The following CROT variants were observed in gnomAD, a reference collection of about 807,000 sequenced individuals.
CROT encodes carnitine O-octanoyltransferase.
A neutral mutation model predicts 89.2 loss-of-function variants in CROT; 84 were observed. The ratio of observed to expected loss-of-function variants is 0.94; its 90% CI spans 0.79 to 1.13. The LOEUF is 1.13. CROT is among the 50% of genes most tolerant of loss of function. CROT has a pLI of 0.00. For synonymous variants in CROT, 212 were observed against 239.5 expected (o/e 0.89, Z 1.06); for missense variants, 711 against 727.8 (o/e 0.98, Z 0.27).
chr7:87,362,144 T>G (rs1042955360), intron 6 of CROT, among the ~76,000 whole-genome samples: 2 of 152,194 alleles, frequency 1.3e-5, no homozygotes, highest in African/African-American at 4.8e-5. Flanking sequence ...TCCTGAAACA[T>G]GAAACATATG....
chr7:87,382,226 TAAC>T (rs745482915), intron 12 of CROT, 45 bp downstream of exon 12: 1 of 1,515,066 alleles, frequency 6.6e-7, no homozygotes, highest in South Asian at 1.2e-5. Flanking sequence ...TTTTTTCTTT[TAAC>T]AACCATATGT....
chr7:87,379,166 C>G (rs1323294619), intron 10 of CROT, among the ~76,000 whole-genome samples: 1 of 152,182 alleles, frequency 6.6e-6, no homozygotes, highest in Non-Finnish European at 1.5e-5. Context: ...TCCCTTTGAC[C>G]TGTCTGCTGC....
At position 87,371,993 on chromosome 7, in the gene CROT, CAAAAAAAAAAAAACA is replaced by C. The variant is rs1353949774; in HGVS notation, c.656+2522_656+2536del. Among the ~76,000 whole-genome samples, 3 of 59,764 alleles carry C rather than the reference CAAAAAAAAAAAAACA, an allele frequency of 5.0e-5. No individual in the cohort carries two copies. The Admixed American group carries it at 5.4e-4, about 11-fold the overall frequency. The allele number at this position is 59,764 out of a possible 152,430, so 39.2% of individuals were successfully genotyped here. On this transcript the variant is annotated intron_variant, in intron 7 of 17. Transcript: ENST00000331536. ...TGGGTGACAGAGCAAGACGCTGTCT[CAAAAAAAAAAAAACA>C]AAAAAAAAAAAACAAAAAAAAGCTA...
Position 87,349,160 on chromosome 7 carries a change from C to T in CROT, c.92C>T (p.Ser31Leu). Residue 31 changes from serine (S) to leucine (L), a missense_variant, in exon 3 of 18, where the codon TCA (serine) becomes TTA (leucine). Transcript: ENST00000331536. ...CTGCCTGTTCCTTCACTTGAAGAAT[C>T]ATTAAAAAAATACCTTGAATCAGGT... ...PSLPVPSLEE[S>L]LKKYLESVKP... is the part of the protein sequence containing the mutation. The T allele has an allele frequency of 6.3e-7, 1 of 1,581,956 alleles. No individual in the cohort carries two copies. The highest frequency in any genetic ancestry group is 1.4e-5 in the African/African-American group (1 of 74,004).
intron 7 of CROT, among the ~76,000 whole-genome samples, chr7:87,370,364 G>A (rs1425857942): frequency 1.3e-5 from 2 of 152,054 alleles, no homozygotes; most frequent in Admixed American, 6.5e-5. Flanking sequence ...TGTATTTTTA[G>A]TAGGGATGAG....
chr7:87,347,519 A>G (rs1215900188), intron 2 of CROT, among the ~76,000 whole-genome samples: 1 of 152,206 alleles, frequency 6.6e-6, no homozygotes, highest in Non-Finnish European at 1.5e-5. Flanking sequence ...GTACAAACCC[A>G]TTTTTATGGA....
At chr7:87,346,675 T>A (rs1805690569) in intron 2 of CROT, among the ~76,000 whole-genome samples, 1 of 152,256 alleles carries the variant, frequency 6.6e-6, no homozygotes, top group African/African-American at 2.4e-5. Context: ...ATAGTGGGTA[T>A]GTAACTAATA....
At chr7:87,353,351 G>A (rs1177212310) in intron 3 of CROT, among the ~76,000 whole-genome samples, 1 of 152,014 alleles carries the variant, frequency 6.6e-6, no homozygotes, top group Non-Finnish European at 1.5e-5. Context: ...GTTTTGTCAA[G>A]TTGGCCAGGC....
chr7:87,394,786 G>T (rs1462266696), intron 17 of CROT, among the ~76,000 whole-genome samples: 1 of 152,110 alleles, frequency 6.6e-6, no homozygotes, highest in Non-Finnish European at 1.5e-5. Context: ...TTACAGGAAG[G>T]TGAAGGATCT....
At chr7:87,357,554 A>G (rs1440384595) in intron 3 of CROT, 3 of 1,457,152 alleles carry the variant, frequency 2.1e-6, no homozygotes, top group African/African-American at 1.4e-5. Context: ...AGATGCTAAG[A>G]GAGGGTTCTT....
At chr7:87,359,146 A>G in intron 3 of CROT, 60 bp from the exon 4 acceptor site, 1 of 1,103,324 alleles carries the variant, frequency 9.1e-7, no homozygotes, top group Admixed American at 1.8e-5. Flanking sequence ...AGTTAGTAAT[A>G]ATAGAGGTGA....
At chr7:87,391,904 G>A (rs965264415) in intron 14 of CROT, among the ~76,000 whole-genome samples, 192 bp downstream of exon 14, 3 of 152,156 alleles carry the variant, frequency 2.0e-5, no homozygotes, top group Non-Finnish European at 2.9e-5. Context: ...GGGAAGGCAG[G>A]AAAAGGATCC....
chr7:87,364,769 T>C (rs1417749292), intron 6 of CROT, among the ~76,000 whole-genome samples: 1 of 152,108 alleles, frequency 6.6e-6, no homozygotes, highest in Non-Finnish European at 1.5e-5. Context: ...GGTTGGTCTT[T>C]GACAGGATCA....
At chr7:87,378,227 C>G (rs1462757632) in intron 10 of CROT, among the ~76,000 whole-genome samples, 1 of 151,500 alleles carries the variant, frequency 6.6e-6, no homozygotes, top group Non-Finnish European at 1.5e-5. Flanking sequence ...GCCTGTGATC[C>G]CAGCTACTTG....
intron 6 of CROT, 91 bp from the exon 7 acceptor site, chr7:87,369,285 A>G: frequency 1.4e-6 from 1 of 740,394 alleles, no homozygotes; most frequent in Non-Finnish European, 2.3e-6. Context: ...AAATACTGGA[A>G]GAATGCCTAC....
chr7:87,376,633 ATT>A (rs200986779), intron 9 of CROT, among the ~76,000 whole-genome samples: 5 of 143,150 alleles, frequency 3.5e-5, no homozygotes, highest in Admixed American at 7.0e-5. Flanking sequence ...AAGGAGAGAG[ATT>A]TTTTTTTTTT....
intron 13 of CROT, among the ~76,000 whole-genome samples, chr7:87,389,436 T>C (rs6956792): frequency 0.02 from 2,973 of 152,250 alleles, 101 homozygotes; most frequent in African/African-American, 0.067. Flanking sequence ...TGGAATACTA[T>C]GCAGCCATAA....
chr7:87,351,124 C>T lies in CROT; in HGVS notation c.115+1941C>T, dbSNP rs374488608. ...GAGATCGAGACCATCCTGGCTAACA[C>T]GGTGAAACCCCGTCTCTACTAAAAA... On this transcript the variant is annotated intron_variant, in intron 3 of 17. Transcript: ENST00000331536. 1.6e-4 allele frequency among the ~76,000 whole-genome samples: 25 copies of T among 151,586 alleles called. No homozygotes were observed. The East Asian group carries it at 1.7e-3, about 11-fold the overall frequency.
chr7:87,387,466 T>C (rs982642117), intron 13 of CROT, among the ~76,000 whole-genome samples: 2 of 152,132 alleles, frequency 1.3e-5, no homozygotes, highest in Admixed American at 1.3e-4. Flanking sequence ...GCTATACTTT[T>C]TTTTTTTGTA....
Sources: allele counts gnomAD v4.1 joint callset (sites outside exome capture counted in the v4.1 genomes callset), GRCh38; gene constraint gnomAD v4.1.1; transcripts MANE v1.5; gene names NCBI Gene and HGNC (gene_info 2026-07-23, HGNC 2026-07-21).